FRK: variants seen among roughly 807,000 people sequenced by gnomAD.
The protein encoded by FRK is tyrosine-protein kinase FRK.
Under a neutral mutation model 56.4 loss-of-function variants are expected in FRK, and 51 were observed. The ratio of observed to expected loss-of-function variants is 0.90; its 90% CI spans 0.72 to 1.14. The LOEUF is 1.14. Ranked by LOEUF, FRK falls within the 50% of genes most tolerant of loss-of-function variation. The pLI is 0.00. For synonymous variants in FRK, 245 were observed against 217.9 expected, an observed-to-expected ratio of 1.12 and a Z score of -1.10; for missense variants, 570 against 601.4, an observed-to-expected ratio of 0.95 and a Z score of 0.55.
chr6:116,012,039 C>T (rs1775493113), intron 1 of FRK, among the ~76,000 whole-genome samples: 1 of 152,186 alleles, frequency 6.6e-6, no homozygotes, highest in Admixed American at 6.5e-5. Context: ...CCATTTCCCT[C>T]ACCATAACCC....
At chr6:116,035,268 T>A (rs1776435310) in intron 1 of FRK, among the ~76,000 whole-genome samples, 1 of 152,078 alleles carries the variant, frequency 6.6e-6, no homozygotes, top group Admixed American at 6.6e-5. Context: ...AACTTAGTCC[T>A]GACAAATGAT....
At chr6:115,981,347 A>C (rs1774192820) in intron 2 of FRK, among the ~76,000 whole-genome samples, 1 of 152,142 alleles carries the variant, frequency 6.6e-6, no homozygotes, top group East Asian at 1.9e-4. Flanking sequence ...GAGAAAAACA[A>C]AATCTAGAGG....
chr6:116,015,535 T>C (rs539548674), intron 1 of FRK, among the ~76,000 whole-genome samples: 6 of 152,280 alleles, frequency 3.9e-5, no homozygotes, highest in African/African-American at 1.4e-4. Context: ...ACTTTGGAAC[T>C]AGGTAACAGG....
chr6:115,962,222 CA>C (rs1773401807), intron 4 of FRK, among the ~76,000 whole-genome samples: 4 of 127,928 alleles, frequency 3.1e-5, no homozygotes, highest in Admixed American at 3.1e-4. Context: ...CAATGGAAAA[CA>C]AAAAAAGGCA....
At chr6:116,039,253 TG>T (rs963648971) in intron 1 of FRK, 37 of 1,492,476 alleles carry the variant, frequency 2.5e-5, no homozygotes, top group Non-Finnish European at 3.2e-5. Context: ...CGAGCCTGTG[TG>T]GGCCATTGGT....
intron 2 of FRK, among the ~76,000 whole-genome samples, chr6:115,991,124 T>C (rs937983721): frequency 7.2e-5 from 11 of 151,914 alleles, no homozygotes; most frequent in African/African-American, 2.7e-4. Context: ...TAATTTTGTA[T>C]CTGGAAACTT....
chr6:116,059,857 A>G, intron 1 of FRK, 111 bp downstream of exon 1: 1 of 928,498 alleles, frequency 1.1e-6, no homozygotes, highest in Non-Finnish European at 1.6e-6. Flanking sequence ...ACTTCCTCAT[A>G]CTTTTTAGGC....
At chr6:116,015,330 C>CCCTT (rs1334426647) in intron 1 of FRK, among the ~76,000 whole-genome samples, 1 of 152,148 alleles carries the variant, frequency 6.6e-6, no homozygotes, top group African/African-American at 2.4e-5. Context: ...GCCTTGCTTC[C>CCCTT]CCTTCCACCA....
chr6:116,048,248 T>C (rs144647555), intron 1 of FRK, among the ~76,000 whole-genome samples: 107 of 152,322 alleles, frequency 7.0e-4, no homozygotes, highest in African/African-American at 2.5e-3. Flanking sequence ...GATGTTCTAC[T>C]GGGGCTTCAA....
intron 4 of FRK, among the ~76,000 whole-genome samples, chr6:115,960,470 G>C (rs1447109841): frequency 2.0e-5 from 3 of 150,374 alleles, no homozygotes; most frequent in Non-Finnish European, 4.5e-5. Flanking sequence ...GCTGGGGGAA[G>C]GGCGCCCGCC....
In FRK at chr6:115,942,247, C is replaced by T. The variant is rs1204017353; in HGVS notation, c.*167G>A. 5.0e-6 allele frequency: 3 copies of T among 604,812 alleles called. No homozygotes were observed. In the African/African-American group the frequency reaches 5.6e-5, roughly 11 times the overall value. 37.5% of individuals were successfully genotyped at this position (604,812 alleles called of 1,614,324 possible). A position where few individuals can be genotyped will look rare whatever the true frequency, so the allele number is the denominator to read the frequency against. On this transcript the variant is annotated 3_prime_UTR_variant, in exon 8 of 8. Transcript: ENST00000606080. ...TGACTGTCCTGCAGTGTTGCCCAGTCAATAAAATGCACAAATAATCTTTTT... is the reference window on the plus strand; with the variant it reads ...TGACTGTCCTGCAGTGTTGCCCAGTTAATAAAATGCACAAATAATCTTTTT...
In FRK at chr6:115,967,723, T is replaced by C. The variant is rs2114600932; in HGVS notation, c.631-4A>G. On this transcript the variant is annotated splice_region_variant and splice_polypyrimidine_tract_variant and intron_variant, in intron 3 of 7. Coordinates refer to ENST00000606080, the MANE Select transcript of FRK (RefSeq NM_002031.3). ...CAAATGGAGCTGGGACCTGGATCTG[T>C]TTCATAGAATAATAAGAGCAATTGT... 1 of 1,567,540 alleles carries C rather than the reference T, an allele frequency of 6.4e-7. No individual in the cohort carries two copies. Among genetic ancestry groups the C allele is most frequent in the East Asian group, 2.3e-5 (1 of 44,166 alleles).
the FRK span, among the ~76,000 whole-genome samples, chr6:116,098,255 G>A: frequency 6.6e-6 from 1 of 151,794 alleles, no homozygotes; most frequent in African/African-American, 2.4e-5. Flanking sequence ...AGGACTATAG[G>A]TGCCTGCCAC....
intron 4 of FRK, among the ~76,000 whole-genome samples, chr6:115,962,387 T>G (rs1773411875): frequency 6.7e-6 from 1 of 148,606 alleles, no homozygotes. Context: ...AGCACCCAGA[T>G]TCATAAAGCA....
At chr6:115,974,678 A>C (rs1773926792) in intron 2 of FRK, among the ~76,000 whole-genome samples, 1 of 152,156 alleles carries the variant, frequency 6.6e-6, no homozygotes, top group Non-Finnish European at 1.5e-5. Context: ...ATTTCTGAAG[A>C]CCATTGCTTT....
intron 2 of FRK, among the ~76,000 whole-genome samples, chr6:115,981,305 A>G (rs1774191182): frequency 1.3e-5 from 2 of 152,118 alleles, no homozygotes; most frequent in South Asian, 4.1e-4. Context: ...CAGAAATTTT[A>G]AAGATGGTTT....
chr6:115,948,613 G>C (rs1772559321), intron 5 of FRK, among the ~76,000 whole-genome samples: 1 of 152,064 alleles, frequency 6.6e-6, no homozygotes, highest in African/African-American at 2.4e-5. Flanking sequence ...CACTTTTACT[G>C]TTTTAACTCC....
At chr6:115,945,972 T>C (rs1262130253) in intron 5 of FRK, among the ~76,000 whole-genome samples, 2 of 152,134 alleles carry the variant, frequency 1.3e-5, no homozygotes, top group Non-Finnish European at 2.9e-5. Context: ...ACCTATTTTA[T>C]ATTTGTACAC....
chr6:115,968,256 C>T (rs756363318), intron 3 of FRK, among the ~76,000 whole-genome samples: 1 of 152,088 alleles, frequency 6.6e-6, no homozygotes, highest in African/African-American at 2.4e-5. Context: ...ACAAAACAAG[C>T]AAGACCCCTG....
Sources: gnomAD v4.1 joint callset for allele counts (sites outside exome capture counted in the v4.1 genomes callset) on GRCh38, gnomAD v4.1.1 for gene constraint, MANE v1.5 for transcripts, NCBI Gene and HGNC (gene_info 2026-07-23, HGNC 2026-07-21) for gene names.